Variants in FAM107B observed in about 807,000 individuals in gnomAD.
FAM107B encodes the protein family with sequence similarity 107 member B, also known as protein FAM107B.
FAM107B carries 21 observed loss-of-function variants against 31.5 expected under a neutral mutation model. That is an observed-to-expected ratio of 0.67 (90% CI 0.47 to 0.96). The LOEUF is 0.96. Among genes scored for constraint, FAM107B ranks in the 40% least tolerant of loss-of-function variants. FAM107B has a pLI of 0.00. For missense variants in FAM107B, 452 were observed against 377.1 expected (o/e 1.20, Z -1.64); for synonymous variants, 157 against 141.5 (o/e 1.11, Z -0.78).
At chr10:14,646,281 G>T (rs1054636051) in intron 2 of FAM107B, among the ~76,000 whole-genome samples, 20 of 152,080 alleles carry the variant, frequency 1.3e-4, no homozygotes, top group African/African-American at 3.9e-4. Flanking sequence ...TAGTGTACCT[G>T]TCACCCAAAT....
intron 2 of FAM107B, among the ~76,000 whole-genome samples, chr10:14,566,529 C>A (rs1480103617): frequency 2.0e-5 from 3 of 152,148 alleles, no homozygotes; most frequent in Non-Finnish European, 4.4e-5. Context: ...AGCCCTGGCG[C>A]CCACCTGGAC....
At chr10:14,700,025 C>T (rs536862855) in intron 1 of FAM107B, among the ~76,000 whole-genome samples, 13 of 152,090 alleles carry the variant, frequency 8.5e-5, no homozygotes, top group South Asian at 4.2e-4. Flanking sequence ...CTCCACCTCC[C>T]GGGTGCAAGC....
chr10:14,669,580 T>C (rs571398418), intron 1 of FAM107B, among the ~76,000 whole-genome samples: 18 of 152,094 alleles, frequency 1.2e-4, no homozygotes, highest in Non-Finnish European at 2.6e-4. Flanking sequence ...AAAAAAAGAA[T>C]GAAACTCTGT....
At chr10:14,576,934 C>G (rs11259199) in intron 2 of FAM107B, among the ~76,000 whole-genome samples, 13,261 of 152,012 alleles carry the variant, frequency 0.087, 748 homozygotes, top group East Asian at 0.24. Flanking sequence ...TTAAACACGA[C>G]GAAAAAACAG....
chr10:14,686,677 C>T (rs1314110264), intron 1 of FAM107B, among the ~76,000 whole-genome samples: 2 of 152,208 alleles, frequency 1.3e-5, no homozygotes, highest in African/African-American at 2.4e-5. Flanking sequence ...AGACTCCAGG[C>T]CTGGCAACCC....
At chr10:14,727,648 C>G (rs1264579287) in intron 1 of FAM107B, among the ~76,000 whole-genome samples, 2 of 152,184 alleles carry the variant, frequency 1.3e-5, no homozygotes, top group African/African-American at 2.4e-5. Flanking sequence ...CTTAGAGGTT[C>G]CCTATGGTAT....
At chr10:14,548,621 G>A (rs750892932) in intron 2 of FAM107B, 240 of 985,360 alleles carry the variant, frequency 2.4e-4, no homozygotes, top group Non-Finnish European at 2.8e-4. Flanking sequence ...CCCCTGAGGA[G>A]GGCTCTCTCC....
intron 1 of FAM107B, among the ~76,000 whole-genome samples, chr10:14,676,561 CATT>C (rs1854687346): frequency 6.6e-6 from 1 of 152,184 alleles, no homozygotes. Flanking sequence ...AAAATTCAAA[CATT>C]ATTGCTTCTA....
chr10:14,651,776 G>A (rs1023405221), intron 2 of FAM107B, among the ~76,000 whole-genome samples: 17 of 152,130 alleles, frequency 1.1e-4, no homozygotes, highest in African/African-American at 3.9e-4. Context: ...ATAATCTGAC[G>A]GTGTGTAGGG....
At chr10:14,678,786 T>C (rs1360090284) in intron 1 of FAM107B, among the ~76,000 whole-genome samples, 2 of 152,244 alleles carry the variant, frequency 1.3e-5, no homozygotes, top group African/African-American at 4.8e-5. Context: ...CATCAGCTCT[T>C]CTGTGTCCTC....
chr10:14,591,521 T>C (rs771595294), intron 2 of FAM107B, among the ~76,000 whole-genome samples: 5 of 152,182 alleles, frequency 3.3e-5, no homozygotes, highest in Non-Finnish European at 7.3e-5. Context: ...TCAGTTTAAA[T>C]CTCATCTCAT....
At chr10:14,643,880 C>G (rs1853690984) in intron 2 of FAM107B, among the ~76,000 whole-genome samples, 1 of 152,328 alleles carries the variant, frequency 6.6e-6, no homozygotes, top group Middle Eastern at 3.4e-3. Context: ...GATTTTAGTA[C>G]TCCACAACAA....
intron 1 of FAM107B, among the ~76,000 whole-genome samples, chr10:14,698,345 A>C (rs72770542): frequency 0.046 from 6,987 of 152,240 alleles, 261 homozygotes; most frequent in African/African-American, 0.1. Flanking sequence ...ATTTGAGCAA[A>C]AGGAGAAAGA....
intron 1 of FAM107B, among the ~76,000 whole-genome samples, chr10:14,711,387 T>C (rs2688828): frequency 0.11 from 16,976 of 152,274 alleles, 942 homozygotes; most frequent in East Asian, 0.15. Context: ...AGGTGTATCA[T>C]TTTTTATTTC....
intron 2 of FAM107B, among the ~76,000 whole-genome samples, chr10:14,647,952 G>A (rs931140121): frequency 5.3e-5 from 8 of 150,658 alleles, no homozygotes; most frequent in Non-Finnish European, 1.2e-4. Context: ...AATTTGTTAA[G>A]TCTTCTGCGG....
intron 1 of FAM107B, among the ~76,000 whole-genome samples, chr10:14,759,676 C>A (rs1195304082): frequency 1.3e-5 from 2 of 152,038 alleles, no homozygotes; most frequent in African/African-American, 2.4e-5. Context: ...CCAATAAAAT[C>A]AAAATTGAGG....
chr10:14,660,618 G>A (rs777069317), intron 2 of FAM107B, among the ~76,000 whole-genome samples: 6 of 152,194 alleles, frequency 3.9e-5, no homozygotes, highest in Non-Finnish European at 7.3e-5. Flanking sequence ...ACAAACCTGA[G>A]TCTTTGTGCT....
At chr10:14,705,891 A>C (rs1323994617) in intron 1 of FAM107B, among the ~76,000 whole-genome samples, 2 of 152,204 alleles carry the variant, frequency 1.3e-5, no homozygotes, top group East Asian at 3.9e-4. Flanking sequence ...CTCTAACGTT[A>C]AGGCAACAGA....
At chr10:14,661,046 C>G (rs1039284658) in intron 2 of FAM107B, among the ~76,000 whole-genome samples, 1 of 152,132 alleles carries the variant, frequency 6.6e-6, no homozygotes, top group Non-Finnish European at 1.5e-5. Flanking sequence ...TTCCACTTCG[C>G]CCTCTTCCTC....
Sources: allele counts gnomAD v4.1 joint callset (sites outside exome capture counted in the v4.1 genomes callset), GRCh38; gene constraint gnomAD v4.1.1; transcripts MANE v1.5; gene names NCBI Gene and HGNC (gene_info 2026-07-23, HGNC 2026-07-21).